The following PCLO variants were observed in gnomAD, a reference collection of about 807,000 sequenced individuals.
PCLO encodes protein piccolo.
A neutral mutation model predicts 427.5 loss-of-function variants in PCLO; 82 were observed. The observed-to-expected ratio is 0.19, with a 90% confidence interval of 0.16 to 0.23. The LOEUF (loss-of-function observed/expected upper bound fraction) is 0.23, where lower values mean the gene tolerates loss of function less well. Ranked by LOEUF, PCLO falls within the 10% of genes least tolerant of loss-of-function variation. The pLI is 1.00. For missense variants in PCLO, 6,239 were observed against 6,115.9 expected, an observed-to-expected ratio of 1.02 and a Z score of -0.67; for synonymous variants, 2,357 against 2,155.4, an observed-to-expected ratio of 1.09 and a Z score of -2.59.
chr7:83,121,204 A>C (rs1172161730), intron 3 of PCLO, among the ~76,000 whole-genome samples: 1 of 152,156 alleles, frequency 6.6e-6, no homozygotes, highest in African/African-American at 2.4e-5. Flanking sequence ...TAGAAACAAT[A>C]AGTTAAAAAC....
chr7:82,942,212 G>A (rs1424227432), intron 6 of PCLO, among the ~76,000 whole-genome samples: 1 of 152,146 alleles, frequency 6.6e-6, no homozygotes, highest in Admixed American at 6.5e-5. Flanking sequence ...AAACTAATAT[G>A]CTGAAATACA....
chr7:82,918,201 T>C (rs1264273617), intron 6 of PCLO, among the ~76,000 whole-genome samples: 3 of 152,028 alleles, frequency 2.0e-5, no homozygotes, highest in Non-Finnish European at 2.9e-5. Context: ...ATATGGAGTA[T>C]TGAAGTCCCC....
intron 6 of PCLO, among the ~76,000 whole-genome samples, chr7:82,918,393 A>C (rs1043942804): frequency 6.6e-6 from 1 of 152,002 alleles, no homozygotes; most frequent in Non-Finnish European, 1.5e-5. Context: ...AAAAATCTCT[A>C]TATTTCTATA....
rs1407791730 is a variant in PCLO, at chr7:83,135,351, G to C, written c.2199C>G (p.Ala733=). The stretch of plus-strand genomic sequence containing the variant: ...ATGGGACAGAAGGTTCTTTGGGAGG[G>C]GCTGGCTTGGACAAAGAATCTGCCT... ...PPEADSLSKP[A]PPKEPSVPSE... is the part of the protein sequence containing the mutation. Residue 733 remains alanine, a synonymous_variant, in exon 3 of 25, where the codon GCC becomes GCG. Coordinates refer to ENST00000333891, the MANE Select transcript of PCLO (RefSeq NM_033026.6). 1 of 1,613,900 alleles carries C rather than the reference G, an allele frequency of 6.2e-7. No homozygotes were observed. Among genetic ancestry groups the C allele is most frequent in the East Asian group, 2.2e-5 (1 of 44,870 alleles).
chr7:82,790,886 G>T (rs940492398), intron 22 of PCLO, among the ~76,000 whole-genome samples: 1 of 152,134 alleles, frequency 6.6e-6, no homozygotes, highest in Admixed American at 6.5e-5. Context: ...GGTGTCTTAG[G>T]TATGGCAGGC....
At position 83,024,700 on chromosome 7, in the gene PCLO, G is replaced by A. The variant is rs539607267; in HGVS notation, c.3301-58213C>T. 8.8e-3 allele frequency among the ~76,000 whole-genome samples: 1,336 copies of A among 152,334 alleles called. 10 individuals are homozygous for A. Among genetic ancestry groups the A allele is most frequent in the Non-Finnish European group, 0.014 (977 of 68,030 alleles). ...AGCAGTAACCTCTGCAGACTTAAAT[G>A]TCCCTGTCAGACAGCTTTGAAGAGA... is the stretch of plus-strand genomic sequence containing the variant. On this transcript the variant is annotated intron_variant, in intron 3 of 24. Coordinates refer to ENST00000333891, the MANE Select transcript of PCLO (RefSeq NM_033026.6).
intron 6 of PCLO, among the ~76,000 whole-genome samples, chr7:82,938,818 C>T (rs934377876): frequency 6.6e-6 from 1 of 151,944 alleles, no homozygotes; most frequent in African/African-American, 2.4e-5. Flanking sequence ...AGGGCAAAAT[C>T]ATTTACAGTT....
chr7:82,911,845 T>G (rs941388267), intron 7 of PCLO, among the ~76,000 whole-genome samples: 7 of 152,026 alleles, frequency 4.6e-5, no homozygotes, highest in African/African-American at 1.7e-4. Flanking sequence ...ATGGTCTCGA[T>G]CTCTTGACAT....
intron 21 of PCLO, among the ~76,000 whole-genome samples, 159 bp downstream of exon 21, chr7:82,805,529 C>T (rs911227434): frequency 3.3e-5 from 5 of 152,170 alleles, no homozygotes; most frequent in African/African-American, 1.2e-4. Context: ...TCCAATCTTT[C>T]TTGAACTATC....
rs552614451 is a variant in PCLO, at chr7:82,754,992, C to A, written c.*3583G>T. 6.6e-6 allele frequency: 1 copy of A among 151,944 alleles called. No individual in the cohort carries two copies. Among genetic ancestry groups the A allele is most frequent in the Admixed American group, 6.6e-5 (1 of 15,256 alleles). The allele number at this position is 151,944 out of a possible 1,614,324, so 9.4% of individuals were successfully genotyped here. A position where few individuals can be genotyped will look rare whatever the true frequency, so the allele number is the denominator to read the frequency against. On this transcript the variant is annotated 3_prime_UTR_variant, in exon 25 of 25. Coordinates refer to ENST00000333891, the MANE Select transcript of PCLO (RefSeq NM_033026.6). ...TAAAGTAAAAAAATACTATAAACAT[C>A]TTTATGATATTTTAATGAAATGAAG... is the stretch of plus-strand genomic sequence containing the variant.
intron 3 of PCLO, among the ~76,000 whole-genome samples, chr7:83,080,232 T>C (rs1457381428): frequency 6.6e-6 from 1 of 152,194 alleles, no homozygotes; most frequent in African/African-American, 2.4e-5. Context: ...TTTGGGTATA[T>C]ATCCAGTAAT....
At chr7:83,112,785 G>A (rs1791038564) in intron 3 of PCLO, among the ~76,000 whole-genome samples, 1 of 152,148 alleles carries the variant, frequency 6.6e-6, no homozygotes, top group African/African-American at 2.4e-5. Context: ...AAAATTAGAA[G>A]CAGTGTTGAC....
intron 6 of PCLO, 66 bp downstream of exon 6, chr7:82,949,409 TA>T: frequency 7.8e-7 from 1 of 1,286,398 alleles, no homozygotes; most frequent in Non-Finnish European, 1.1e-6. Context: ...GATCGCCTCC[TA>T]AAAGTCTGAA....
intron 3 of PCLO, among the ~76,000 whole-genome samples, chr7:83,113,247 T>C (rs917435766): frequency 1.2e-4 from 19 of 152,194 alleles, no homozygotes; most frequent in Admixed American, 2.6e-4. Context: ...TATGAAGCTA[T>C]TGAATGATTT....
At chr7:82,773,418 G>A (rs1790685417) in intron 22 of PCLO, among the ~76,000 whole-genome samples, 2 of 152,000 alleles carry the variant, frequency 1.3e-5, no homozygotes. Context: ...CGTAAATAGC[G>A]GTGGCAGTCA....
chr7:82,812,333 T>C (rs1467977926), intron 20 of PCLO, among the ~76,000 whole-genome samples: 2 of 151,524 alleles, frequency 1.3e-5, no homozygotes, highest in Admixed American at 6.6e-5. Flanking sequence ...TAGCACGGTA[T>C]AGAGGAATTT....
intron 3 of PCLO, among the ~76,000 whole-genome samples, chr7:82,999,682 T>C (rs1332687062): frequency 9.3e-5 from 2 of 21,440 alleles, no homozygotes; most frequent in Non-Finnish European, 1.3e-4. Flanking sequence ...ATATATTATA[T>C]ATAAAATAAT....
chr7:82,919,597 T>C (rs949326040), intron 6 of PCLO, among the ~76,000 whole-genome samples: 1 of 151,960 alleles, frequency 6.6e-6, no homozygotes, highest in African/African-American at 2.4e-5. Context: ...TAAAGAAGAT[T>C]GGATGCCCAC....
At chr7:82,927,747 TTTG>T (rs1794746306) in intron 6 of PCLO, among the ~76,000 whole-genome samples, 1 of 152,192 alleles carries the variant, frequency 6.6e-6, no homozygotes, top group Non-Finnish European at 1.5e-5. Context: ...TCAATTAATA[TTTG>T]TTTACTAGGC....
Sources: allele counts gnomAD v4.1 joint callset (sites outside exome capture counted in the v4.1 genomes callset), GRCh38; gene constraint gnomAD v4.1.1; transcripts MANE v1.5; gene names NCBI Gene and HGNC (gene_info 2026-07-23, HGNC 2026-07-21).